Variants in MYH7B observed in about 807,000 individuals in gnomAD.
The protein encoded by MYH7B is myosin-7B.
In MYH7B, 205 loss-of-function variants were observed where a neutral mutation model predicts 234.5. That is an observed-to-expected ratio of 0.87 (90% CI 0.78 to 0.98). MYH7B has a LOEUF of 0.98. MYH7B is among the 50% of genes least tolerant of loss of function. The pLI, the probability that MYH7B is intolerant of heterozygous loss-of-function variation, is 0.00. For missense variants in MYH7B, 2,652 were observed against 2,633.4 expected, an observed-to-expected ratio of 1.01 and a Z score of -0.15; for synonymous variants, 1,193 against 1,105.0, an observed-to-expected ratio of 1.08 and a Z score of -1.58.
chr20:34,999,494 G>T, intron 36 of MYH7B, 77 bp from the exon 37 acceptor site: 1 of 1,526,682 alleles, frequency 6.6e-7, no homozygotes, highest in Non-Finnish European at 8.8e-7. Context: ...GGCCACCCTG[G>T]AATCAGGGGT....
rs765343361 is a variant in MYH7B at position 35,000,971 on chromosome 20, C to T, written c.5305-17C>T. 6 of 1,613,440 alleles carry T rather than the reference C, an allele frequency of 3.7e-6. No individual in the cohort carries two copies. The highest frequency in any genetic ancestry group is 2.2e-5 in the East Asian group (1 of 44,886). ...TCCCTGAGGCTGGGCACCTGACCAG[C>T]TCCTCCTCCCCAACAGGCGGCCATG... is the stretch of plus-strand genomic sequence containing the variant. On this transcript the variant is annotated splice_polypyrimidine_tract_variant and intron_variant, in intron 40 of 44. Transcript: ENST00000262873.
intron 19 of MYH7B, 116 bp downstream of exon 19, chr20:34,988,378 G>A: frequency 1.7e-6 from 2 of 1,155,324 alleles, no homozygotes; most frequent in Non-Finnish European, 2.4e-6. Context: ...GCGTGTGACT[G>A]TGCGTTGCAG....
rs1343005295 is a variant in MYH7B at position 34,980,855 on chromosome 20, G to A, written c.499+121G>A. On this transcript the variant is annotated intron_variant, in intron 8 of 44. Coordinates refer to ENST00000262873, the Ensembl canonical transcript of MYH7B. ...CCTTTTGACGCTGCTGGACATGGTCGCCCAGCCGTTCTGTCCCTCCGCATG... is the reference window on the plus strand; with the variant it reads ...CCTTTTGACGCTGCTGGACATGGTCACCCAGCCGTTCTGTCCCTCCGCATG... The A allele has an allele frequency of 5.3e-6, 8 of 1,502,522 alleles. No individual in the cohort carries two copies. The South Asian group carries it at 5.8e-5, about 11-fold the overall frequency. 93.1% of individuals were successfully genotyped at this position (1,502,522 alleles called of 1,614,324 possible).
chr20:34,999,750 T>TC (rs61644803), intron 37 of MYH7B, 41 bp from the exon 38 acceptor site: 6,455 of 1,309,876 alleles, frequency 4.9e-3, no homozygotes, highest in Non-Finnish European at 5.6e-3. Flanking sequence ...CCACTGGCCA[T>TC]CCCCCCCCCC....
At chr20:34,963,755 A>G (rs773853699) in intron 2 of MYH7B, among the ~76,000 whole-genome samples, 1 of 152,198 alleles carries the variant, frequency 6.6e-6, no homozygotes, top group Admixed American at 6.5e-5. Flanking sequence ...ATTTTTATAT[A>G]GGATGTGAGG....
At chr20:34,995,528 G>A (rs2425015) in exon 28 of MYH7B, 8 of 1,614,076 alleles carry the variant, frequency 5.0e-6, no homozygotes, top group Non-Finnish European at 6.8e-6. Flanking sequence ...TGATGACCTG[G>A]AGCTGACACT....
intron 2 of MYH7B, among the ~76,000 whole-genome samples, chr20:34,970,330 C>T (rs970002412): frequency 1.3e-5 from 2 of 152,224 alleles, no homozygotes; most frequent in African/African-American, 4.8e-5. Context: ...GAGGGAAACC[C>T]ACTTGTCTCA....
Position 35,000,283 on chromosome 20 carries a change from C to T in MYH7B, c.4782-10C>T, listed in dbSNP as rs778382937. 20 of 1,558,294 alleles carry T rather than the reference C, an allele frequency of 1.3e-5. No individual in the cohort carries two copies. In the African/African-American group the frequency reaches 2.4e-4, roughly 19 times the overall value. ...ACGAGACCCCCTTTCATGCCACCCT[C>T]CTCCCATAGGCGCAACCACCAGCGA... is the stretch of plus-strand genomic sequence containing the variant. On this transcript the variant is annotated splice_polypyrimidine_tract_variant and intron_variant, in intron 38 of 44. Transcript: ENST00000262873.
At chr20:34,975,401 G>C in exon 3 of MYH7B, 1 of 618,054 alleles carries the variant, frequency 1.6e-6, no homozygotes, top group Non-Finnish European at 3.0e-6. Flanking sequence ...TTGTTGTAGA[G>C]ATGGGGTTTT....
chr20:35,002,380 G>C, exon 45 of MYH7B: 1 of 509,232 alleles, frequency 2.0e-6, no homozygotes, highest in South Asian at 5.5e-5. Flanking sequence ...ACAGTCCTAG[G>C]GACAAAAGCC....
chr20:34,985,249 C>T (rs912756187), intron 13 of MYH7B, 120 bp downstream of exon 13: 2 of 915,426 alleles, frequency 2.2e-6, no homozygotes, highest in Admixed American at 2.0e-5. Flanking sequence ...TCTCTACCCC[C>T]TGGCTGCTGC....
intron 27 of MYH7B, 42 bp downstream of exon 27, chr20:34,994,443 G>A (rs751958764): frequency 2.0e-5 from 31 of 1,529,650 alleles, no homozygotes; most frequent in South Asian, 9.1e-5. Context: ...CCCCAGCCCC[G>A]AGTACCCCTG....
At chr20:34,979,131 G>A (rs2081901101) in intron 5 of MYH7B, among the ~76,000 whole-genome samples, 1 of 152,156 alleles carries the variant, frequency 6.6e-6, no homozygotes, top group Non-Finnish European at 1.5e-5. Flanking sequence ...GAGGTCAGAG[G>A]GCAAATATGG....
chr20:34,986,918 T>C, exon 15 of MYH7B: 3 of 1,614,078 alleles, frequency 1.9e-6, no homozygotes, highest in Non-Finnish European at 2.5e-6. Context: ...CCCCTATGAC[T>C]ACCACTTCTG....
At chr20:34,999,153 ACAGAGT>A (rs1466524265) in exon 36 of MYH7B, 13 of 1,613,600 alleles carry the variant, frequency 8.1e-6, no homozygotes, top group Non-Finnish European at 1.1e-5. Context: ...GCGGCTACAG[ACAGAGT>A]CAGAGGATGT....
chr20:35,000,701 A>G lies in MYH7B; in HGVS notation c.5178+12A>G. On this transcript the variant is annotated intron_variant, in intron 39 of 44. Transcript: ENST00000262873. ...TTCTGCATTCGCAGGTGGGGACAGGAGTCCCTGGGGACAGAGCAGGTGCAG... is the reference window on the plus strand; with the variant it reads ...TTCTGCATTCGCAGGTGGGGACAGGGGTCCCTGGGGACAGAGCAGGTGCAG... 1 of 1,598,674 alleles carries G rather than the reference A, an allele frequency of 6.3e-7. No individual in the cohort carries two copies.
chr20:35,001,983 C>T (rs1235685893), exon 44 of MYH7B: 1 of 1,613,904 alleles, frequency 6.2e-7, no homozygotes, highest in East Asian at 2.2e-5. Context: ...CCAAGTATCG[C>T]AAGGCCCAGC....
intron 22 of MYH7B, 116 bp from the exon 23 acceptor site, chr20:34,990,622 G>C: frequency 3.3e-6 from 3 of 915,540 alleles, no homozygotes. Context: ...GAGAGTGAAA[G>C]AGCAAAAGTG....
At chr20:34,971,408 A>G (rs2081792768) in intron 2 of MYH7B, among the ~76,000 whole-genome samples, 1 of 150,060 alleles carries the variant, frequency 6.7e-6, no homozygotes, top group Admixed American at 6.6e-5. Context: ...TCCCCCCAGT[A>G]ACCTTTCAGC....
Sources: allele counts gnomAD v4.1 joint callset (sites outside exome capture counted in the v4.1 genomes callset), GRCh38; gene constraint gnomAD v4.1.1; transcripts MANE v1.5; gene names NCBI Gene and HGNC (gene_info 2026-07-23, HGNC 2026-07-21).